Variants in TINAG observed in about 807,000 individuals in gnomAD.
The protein encoded by TINAG is tubulointerstitial nephritis antigen.
A neutral mutation model predicts 72.7 loss-of-function variants in TINAG; 83 were observed. The observed-to-expected ratio is 1.14, with a 90% CI of 0.96 to 1.37. The LOEUF is 1.37. Among genes scored for constraint, TINAG ranks in the 40% most tolerant of loss-of-function variants. The pLI is 0.00. For synonymous variants in TINAG, 234 were observed against 189.9 expected (o/e 1.23, Z -1.91); for missense variants, 685 against 576.6 (o/e 1.19, Z -1.93).
intron 9 of TINAG, among the ~76,000 whole-genome samples, chr6:54,359,935 T>A (rs1011529108): frequency 3.3e-5 from 5 of 151,790 alleles, no homozygotes; most frequent in Non-Finnish European, 5.9e-5. Context: ...AAGAAGTACC[T>A]AACTAATGTA....
chr6:54,386,744 A>C (rs9464068), intron 10 of TINAG, among the ~76,000 whole-genome samples: 20,383 of 151,902 alleles, frequency 0.13, 2,574 homozygotes, highest in East Asian at 0.34. Context: ...AACCTAGATC[A>C]CTTCCTCACT....
intron 9 of TINAG, chr6:54,367,197 T>A (rs1582747290): frequency 6.6e-6 from 1 of 151,908 alleles, no homozygotes; most frequent in East Asian, 1.9e-4. Context: ...GAGACCAATA[T>A]GTCTTTTACG....
chr6:54,362,128 A>G (rs535178785), intron 9 of TINAG, among the ~76,000 whole-genome samples: 1 of 151,860 alleles, frequency 6.6e-6, no homozygotes, highest in Admixed American at 6.6e-5. Flanking sequence ...AAGATAATTG[A>G]TGAAGGTGGC....
chr6:54,360,526 C>T (rs1251188738), intron 9 of TINAG, among the ~76,000 whole-genome samples: 1 of 151,628 alleles, frequency 6.6e-6, no homozygotes, highest in East Asian at 1.9e-4. Context: ...TCCTATTCCA[C>T]ATCTCCATGC....
chr6:54,380,705 G>A (rs3777636), intron 10 of TINAG, 134 bp downstream of exon 10: 41,073 of 532,254 alleles, frequency 0.077, 3,254 homozygotes, highest in East Asian at 0.31. Flanking sequence ...CAGTGTTTTC[G>A]CCAGCACAAA....
At chr6:54,332,414 T>C (rs1440054243) in intron 4 of TINAG, among the ~76,000 whole-genome samples, 2 of 152,124 alleles carry the variant, frequency 1.3e-5, no homozygotes, top group Non-Finnish European at 2.9e-5. Flanking sequence ...TGGCTAGCCA[T>C]ATGCAGAAAA....
intron 1 of TINAG, among the ~76,000 whole-genome samples, chr6:54,312,533 G>A (rs1784281762): frequency 6.6e-6 from 1 of 151,928 alleles, no homozygotes; most frequent in South Asian, 2.1e-4. Context: ...TAAAACATGG[G>A]TTTCTACCGT....
intron 8 of TINAG, 144 bp downstream of exon 8, chr6:54,351,541 G>A: frequency 1.6e-6 from 1 of 635,254 alleles, no homozygotes; most frequent in Non-Finnish European, 2.6e-6. Flanking sequence ...TCTAAAATGA[G>A]TGCAGTTATG....
intron 9 of TINAG, chr6:54,367,091 T>G (rs1479761385): frequency 6.6e-6 from 1 of 151,764 alleles, no homozygotes; most frequent in African/African-American, 2.4e-5. Flanking sequence ...TTACATGCCT[T>G]TGCAGCAACA....
chr6:54,308,085 T>G, upstream of TINAG: 1 of 1,549,946 alleles, frequency 6.5e-7, no homozygotes, highest in Non-Finnish European at 8.7e-7. Context: ...TGGATGTTCG[T>G]TTCAATGCAG....
At chr6:54,326,394 G>T (rs1020567835) in intron 3 of TINAG, among the ~76,000 whole-genome samples, 5 of 151,002 alleles carry the variant, frequency 3.3e-5, no homozygotes, top group African/African-American at 9.7e-5. Context: ...TTTTTACCTT[G>T]TCAATTTCTT....
chr6:54,309,344 T>G (rs1784185798), intron 1 of TINAG, among the ~76,000 whole-genome samples: 1 of 152,186 alleles, frequency 6.6e-6, no homozygotes, highest in Non-Finnish European at 1.5e-5. Flanking sequence ...GGCTAATGGA[T>G]GCACTAGCAT....
rs1764204050 is a variant in TINAG at position 54,390,014 on chromosome 6, C to A, written c.*89C>A. 2.0e-6 allele frequency: 3 copies of A among 1,509,472 alleles called. No individual in the cohort carries two copies. Among genetic ancestry groups the A allele is most frequent in the African/African-American group, 1.4e-5 (1 of 70,782 alleles). The allele number at this position is 1,509,472 out of a possible 1,614,324, so 93.5% of individuals were successfully genotyped here. A position where few individuals can be genotyped will look rare whatever the true frequency, so the allele number is the denominator to read the frequency against. On this transcript the variant is annotated 3_prime_UTR_variant, in exon 11 of 11. Coordinates refer to ENST00000259782, the MANE Select transcript of TINAG (RefSeq NM_014464.4). Reference sequence around the variant, plus strand: ...ATGACATTCTTGGTGACAGTGGAATCTTTGTCTCTTCACCGTGTTAACATA... The same window carrying A: ...ATGACATTCTTGGTGACAGTGGAATATTTGTCTCTTCACCGTGTTAACATA...
intron 5 of TINAG, 98 bp from the exon 6 acceptor site, chr6:54,347,269 T>C: frequency 5.0e-6 from 6 of 1,200,896 alleles, no homozygotes; most frequent in Non-Finnish European, 6.9e-6. Flanking sequence ...TATACACAGT[T>C]TTAAAGACTA....
At chr6:54,323,208 A>C (rs1428936248) in intron 3 of TINAG, among the ~76,000 whole-genome samples, 1 of 152,216 alleles carries the variant, frequency 6.6e-6, no homozygotes, top group Non-Finnish European at 1.5e-5. Flanking sequence ...ATAACTTTAA[A>C]AGAGTAGAAA....
At chr6:54,370,032 G>A (rs1763557157) in intron 9 of TINAG, 1 of 152,020 alleles carries the variant, frequency 6.6e-6, no homozygotes. Context: ...AGAGGAAAGA[G>A]AGTTCTAAGA....
rs187900777 is a variant in TINAG at position 54,361,723 on chromosome 6, A to G, written c.1250+7087A>G. On this transcript the variant is annotated intron_variant, in intron 9 of 10. Transcript: ENST00000259782. ...GACATGTTGTTGGAGATTGGCCAAA[A>G]GTTAACCCTCTTGTACTAAAAAATT... Among the ~76,000 whole-genome samples, 216 of 151,796 alleles carry G rather than the reference A, an allele frequency of 1.4e-3. 1 individual carries two copies. Among genetic ancestry groups the G allele is most frequent in the Non-Finnish European group, 2.5e-3 (170 of 67,746 alleles).
intron 4 of TINAG, among the ~76,000 whole-genome samples, chr6:54,334,076 G>A (rs978563829): frequency 6.6e-6 from 1 of 152,262 alleles, no homozygotes; most frequent in East Asian, 1.9e-4. Flanking sequence ...GCACAAAGAA[G>A]TTTCTACCTC....
At position 54,353,999 on chromosome 6, in the gene TINAG, C is replaced by A. The variant is rs544454022; in HGVS notation, c.1127-514C>A. ...TACAACATTGCTTATCTCTCCAGAG[C>A]TGGGAGGATGAAATTCTGTCAAAGT... On this transcript the variant is annotated intron_variant, in intron 8 of 10. Transcript: ENST00000259782. Among the ~76,000 whole-genome samples, 6 of 151,952 alleles carry A rather than the reference C, an allele frequency of 3.9e-5. No homozygotes were observed. In the East Asian group the frequency reaches 1.2e-3, roughly 30 times the overall value.
Sources: allele counts gnomAD v4.1 joint callset (sites outside exome capture counted in the v4.1 genomes callset), GRCh38; gene constraint gnomAD v4.1.1; transcripts MANE v1.5; gene names NCBI Gene and HGNC (gene_info 2026-07-23, HGNC 2026-07-21).